Variants in MAF observed in about 807,000 individuals in gnomAD.
MAF encodes the protein MAF bZIP transcription factor.
A neutral mutation model predicts 22.0 loss-of-function variants in MAF; 10 were observed. The ratio of observed to expected loss-of-function variants is 0.45; its 90% confidence interval spans 0.28 to 0.77. MAF has a LOEUF of 0.77. Among genes scored for constraint, MAF ranks in the 30% least tolerant of loss-of-function variants. The probability of loss-of-function intolerance (pLI) is 0.12; values close to 1 mark genes in which losing one functional copy is unlikely to be tolerated. For synonymous variants in MAF, 337 were observed against 255.8 expected (o/e 1.32, Z -3.03); for missense variants, 544 against 548.4 (o/e 0.99, Z 0.08).
At chr16:79,204,724 G>C in the MAF span, 10 of 152,154 alleles carry the variant, frequency 6.6e-5, no homozygotes, top group Admixed American at 2.6e-4. Context: ...CCCATGCCTT[G>C]GCCTTCCCAG....
At chr16:79,253,536 G>A in the MAF span, among the ~76,000 whole-genome samples, 8 of 152,126 alleles carry the variant, frequency 5.3e-5, no homozygotes, top group Admixed American at 3.9e-4. Context: ...AAGCTAGCAC[G>A]TGGCCTCTCT....
At chr16:79,558,272 A>T in the MAF span, among the ~76,000 whole-genome samples, 1 of 152,112 alleles carries the variant, frequency 6.6e-6, no homozygotes, top group Non-Finnish European at 1.5e-5. Flanking sequence ...AGTGAATTGG[A>T]AACTATGAAC....
the MAF span, among the ~76,000 whole-genome samples, chr16:79,475,353 T>G: frequency 1.4e-5 from 2 of 141,514 alleles, no homozygotes; most frequent in Non-Finnish European, 3.2e-5. Flanking sequence ...TATATATGTA[T>G]GTATATATAT....
At chr16:79,225,838 C>T in the MAF span, among the ~76,000 whole-genome samples, 6 of 152,178 alleles carry the variant, frequency 3.9e-5, no homozygotes, top group African/African-American at 1.4e-4. Context: ...GATACCATCT[C>T]ACACCAGTTA....
chr16:79,501,924 G>A, the MAF span, among the ~76,000 whole-genome samples: 1 of 152,136 alleles, frequency 6.6e-6, no homozygotes, highest in Non-Finnish European at 1.5e-5. Flanking sequence ...GGCTTGAAGG[G>A]CATCTCTTAA....
the MAF span, chr16:79,211,769 A>C: frequency 6.2e-7 from 1 of 1,614,166 alleles, no homozygotes; most frequent in Non-Finnish European, 8.5e-7. Context: ...GGCTGATCCA[A>C]GAACGGCTTG....
the MAF span, among the ~76,000 whole-genome samples, chr16:79,216,398 CATG>C: frequency 1.3e-5 from 2 of 152,198 alleles, no homozygotes; most frequent in Non-Finnish European, 1.5e-5. Context: ...ATCCCTAACT[CATG>C]ATGGTTTGAC....
At chr16:79,295,520 T>C in the MAF span, among the ~76,000 whole-genome samples, 1 of 152,260 alleles carries the variant, frequency 6.6e-6, no homozygotes, top group South Asian at 2.1e-4. Flanking sequence ...GATTGGCACA[T>C]GTGTGGGCTA....
chr16:79,245,572 G>A, the MAF span, among the ~76,000 whole-genome samples: 2 of 152,038 alleles, frequency 1.3e-5, no homozygotes, highest in Non-Finnish European at 2.9e-5. Context: ...TGCTGGAGAG[G>A]ATGTGGAGAA....
the MAF span, among the ~76,000 whole-genome samples, chr16:79,482,167 A>T: frequency 1.8e-4 from 28 of 152,320 alleles, no homozygotes; most frequent in Middle Eastern, 3.4e-3. Flanking sequence ...TTTGAGCAGA[A>T]CCTATCCTGG....
At chr16:79,311,106 C>G in the MAF span, among the ~76,000 whole-genome samples, 25 of 151,726 alleles carry the variant, frequency 1.6e-4, 1 homozygote, top group East Asian at 4.5e-3. Flanking sequence ...TCAGGGGCTT[C>G]TTAACCTGGA....
At chr16:79,509,142 A>T in the MAF span, among the ~76,000 whole-genome samples, 2 of 152,174 alleles carry the variant, frequency 1.3e-5, no homozygotes, top group Admixed American at 1.3e-4. Context: ...TGCACTGCTG[A>T]AGTTACTTGA....
chr16:79,377,408 T>C, the MAF span, among the ~76,000 whole-genome samples: 2 of 152,254 alleles, frequency 1.3e-5, no homozygotes, highest in Admixed American at 6.5e-5. Context: ...TTTGAGTTCA[T>C]TGTAGATTCT....
At chr16:79,580,797 G>C in the MAF span, among the ~76,000 whole-genome samples, 1 of 140,710 alleles carries the variant, frequency 7.1e-6, no homozygotes, top group African/African-American at 2.5e-5. Flanking sequence ...GTGAGAAACT[G>C]TTCCAGGCTT....
chr16:79,480,326 A>T, the MAF span, among the ~76,000 whole-genome samples: 1 of 150,834 alleles, frequency 6.6e-6, no homozygotes. Flanking sequence ...TTGAAATACA[A>T]TTTTTTTTTT....
the MAF span, among the ~76,000 whole-genome samples, chr16:79,219,163 T>C: frequency 6.6e-6 from 1 of 152,188 alleles, no homozygotes; most frequent in African/African-American, 2.4e-5. Context: ...ATAGAGGCTC[T>C]CCATGGCTCA....
chr16:79,466,326 G>A, the MAF span, among the ~76,000 whole-genome samples: 1 of 152,200 alleles, frequency 6.6e-6, no homozygotes, highest in Non-Finnish European at 1.5e-5. Context: ...TGACTCATGG[G>A]TTTAAATGAT....
the MAF span, among the ~76,000 whole-genome samples, chr16:79,236,287 C>T: frequency 2.3e-4 from 35 of 152,094 alleles, no homozygotes; most frequent in African/African-American, 7.0e-4. Flanking sequence ...TGGGCAACAG[C>T]GGGACACAGT....
At chr16:79,580,736 G>T in the MAF span, among the ~76,000 whole-genome samples, 1 of 151,930 alleles carries the variant, frequency 6.6e-6, no homozygotes, top group Non-Finnish European at 1.5e-5. Flanking sequence ...AACCTGCTTG[G>T]TAAAGCTCAT....
Sources: gnomAD v4.1 joint callset for allele counts (sites outside exome capture counted in the v4.1 genomes callset) on GRCh38, gnomAD v4.1.1 for gene constraint, MANE v1.5 for transcripts, NCBI Gene and HGNC (gene_info 2026-07-23, HGNC 2026-07-21) for gene names.